The following CD5L variants were observed in gnomAD, a reference collection of about 807,000 sequenced individuals.
CD5L encodes the protein CD5 molecule like.
A neutral mutation model predicts 40.8 loss-of-function variants in CD5L; 39 were observed. The observed-to-expected ratio is 0.96, with a 90% CI of 0.74 to 1.25. The LOEUF (loss-of-function observed/expected upper bound fraction) is 1.25, where lower values mean the gene tolerates loss of function less well. CD5L is among the 50% of genes most tolerant of loss of function. The pLI is 0.00. For synonymous variants in CD5L, 192 were observed against 169.6 expected (o/e 1.13, Z -1.03); for missense variants, 433 against 435.9 (o/e 0.99, Z 0.06).
chr1:157,834,257 T>G, intron 4 of CD5L, 150 bp downstream of exon 4: 1 of 681,908 alleles, frequency 1.5e-6, no homozygotes. Context: ...TATCTCCATT[T>G]GAAAAACAAA....
rs778137121 is a variant in CD5L at position 157,834,399 on chromosome 1, G to C, written c.718+8C>G. On this transcript the variant is annotated splice_region_variant and intron_variant, in intron 4 of 5. Coordinates refer to ENST00000368174, the MANE Select transcript of CD5L (RefSeq NM_005894.3). Reference sequence around the variant, plus strand: ...AATAAACCTAGTCTTTGGACGCACAGGCATTACCTTCACATTCGACCCACG... The same window carrying C: ...AATAAACCTAGTCTTTGGACGCACACGCATTACCTTCACATTCGACCCACG... 1 of 1,605,962 alleles carries C rather than the reference G, an allele frequency of 6.2e-7. No individual in the cohort carries two copies. Among genetic ancestry groups the C allele is most frequent in the Non-Finnish European group, 8.5e-7 (1 of 1,174,066 alleles).
chr1:157,837,135 C>T (rs1015353984), intron 2 of CD5L, among the ~76,000 whole-genome samples: 1 of 151,932 alleles, frequency 6.6e-6, no homozygotes, highest in Admixed American at 6.6e-5. Context: ...AGCCAGAAAT[C>T]GCTCAAACTC....
At chr1:157,829,808 G>A (rs908257735), downstream of CD5L, among the ~76,000 whole-genome samples, 2 of 152,166 alleles carry the variant, frequency 1.3e-5, no homozygotes, top group Non-Finnish European at 2.9e-5. Flanking sequence ...GTACCATACA[G>A]CAGTTTGTCA....
chr1:157,831,526 T>A lies in CD5L; in HGVS notation c.*438A>T, dbSNP rs1006530766. 5.0e-6 allele frequency: 5 copies of A among 991,582 alleles called. No homozygotes were observed. Among genetic ancestry groups the A allele is most frequent in the Admixed American group, 1.2e-4 (2 of 16,478 alleles). The allele number at this position is 991,582 out of a possible 1,614,324, so 61.4% of individuals were successfully genotyped here. Reference sequence around the variant, plus strand: ...TTGTCTACCCACATTTTCTTTCAAATGTTCCTTTCATTGTTTCATTCCTTT... The same window carrying A: ...TTGTCTACCCACATTTTCTTTCAAAAGTTCCTTTCATTGTTTCATTCCTTT... On this transcript the variant is annotated 3_prime_UTR_variant, in exon 6 of 6. Coordinates refer to ENST00000368174, the MANE Select transcript of CD5L (RefSeq NM_005894.3).
At chr1:157,832,543 T>C (rs1656077544) in intron 5 of CD5L, among the ~76,000 whole-genome samples, 1 of 152,170 alleles carries the variant, frequency 6.6e-6, no homozygotes, top group South Asian at 2.1e-4. Context: ...CTAACCCAAA[T>C]TGGGAAAGGG....
Position 157,831,085 on chromosome 1 carries a change from A to C in CD5L, c.*879T>G, listed in dbSNP as rs1656034146. 1.0e-6 allele frequency: 1 copy of C among 985,276 alleles called. No individual in the cohort carries two copies. The highest frequency in any genetic ancestry group is 6.2e-5 in the Admixed American group (1 of 16,260). The allele number at this position is 985,276 out of a possible 1,614,324, so 61.0% of individuals were successfully genotyped here. Reference sequence around the variant, plus strand: ...ACAGGCCCCAAAGTCTCAGTTGATAAAGTGAAAATGATATTTTTCACTTTC... The same window carrying C: ...ACAGGCCCCAAAGTCTCAGTTGATACAGTGAAAATGATATTTTTCACTTTC... On this transcript the variant is annotated 3_prime_UTR_variant, in exon 6 of 6. Transcript: ENST00000368174.
At chr1:157,835,710 G>A (rs1444654840) in intron 3 of CD5L, 125 bp downstream of exon 3, 1 of 733,158 alleles carries the variant, frequency 1.4e-6, no homozygotes, top group Non-Finnish European at 2.3e-6. Flanking sequence ...GAAAGTATGA[G>A]ATGTGGGGGG....
intron 5 of CD5L, among the ~76,000 whole-genome samples, chr1:157,832,284 C>G (rs1656071421): frequency 6.6e-6 from 1 of 152,258 alleles, no homozygotes; most frequent in South Asian, 2.1e-4. Context: ...CACTTAGGTT[C>G]TGAGGAGTTA....
In CD5L at chr1:157,831,044, G is replaced by C. The variant is rs757881523; in HGVS notation, c.*920C>G. 1 of 985,116 alleles carries C rather than the reference G, an allele frequency of 1.0e-6. No individual in the cohort carries two copies. The highest frequency in any genetic ancestry group is 1.1e-4 in the East Asian group (1 of 8,828). 61.0% of individuals were successfully genotyped at this position (985,116 alleles called of 1,614,324 possible). ...ATCAAGTCTTGATTCTCTTATTTCT[G>C]TCTTGCCTCAAGCTTACAGGCCCCA... On this transcript the variant is annotated 3_prime_UTR_variant, in exon 6 of 6. Transcript: ENST00000368174.
At chr1:157,835,588 A>G (rs1207791807) in intron 3 of CD5L, among the ~76,000 whole-genome samples, 1 of 152,218 alleles carries the variant, frequency 6.6e-6, no homozygotes, top group Non-Finnish European at 1.5e-5. Context: ...GTGTGTAAAT[A>G]AGAGAAACAA....
chr1:157,833,549 G>A, intron 4 of CD5L, 37 bp from the exon 5 acceptor site: 1 of 1,446,462 alleles, frequency 6.9e-7, no homozygotes, highest in Non-Finnish European at 9.4e-7. Flanking sequence ...GTTGGAGACA[G>A]GAAGGGAAAG....
chr1:157,841,581 C>G (rs1460567042), intron 1 of CD5L, 93 bp downstream of exon 1: 2 of 1,111,354 alleles, frequency 1.8e-6, no homozygotes, highest in East Asian at 2.4e-5. Flanking sequence ...TGAAAAACAT[C>G]TAAATCTGTT....
chr1:157,833,646 C>T (rs1656111681), intron 4 of CD5L, 134 bp from the exon 5 acceptor site: 6 of 727,366 alleles, frequency 8.2e-6, no homozygotes, highest in East Asian at 2.7e-5. Context: ...CACTCTGTTG[C>T]CCAGGCTGGA....
downstream of CD5L, among the ~76,000 whole-genome samples, chr1:157,828,408 G>A (rs1655959426): frequency 6.6e-6 from 1 of 152,010 alleles, no homozygotes; most frequent in Admixed American, 6.5e-5. Context: ...CAGGTCCTAT[G>A]TCCCCTCAAG....
Position 157,836,128 on chromosome 1 carries a change from C to G in CD5L, c.83G>C (p.Gly28Ala), listed in dbSNP as rs1557941620. Residue 28 changes from glycine to alanine, a missense_variant, in exon 3 of 6, where the codon GGG becomes GCG. Physicochemically the swap from Gly to Ala is moderately conservative, Grantham distance 60. Transcript: ENST00000368174. ...LASPSGVRLVGGLHRCEGRVE... is the reference protein window; with the variant it reads ...LASPSGVRLVAGLHRCEGRVE... The stretch of plus-strand genomic sequence containing the variant: ...CCGCCCTTCACAGCGGTGGAGGCCC[C>G]CCACCAGCCGCACTCCAGATGGAGA... 2 of 1,613,244 alleles carry G rather than the reference C, an allele frequency of 1.2e-6. No homozygotes were observed. Among genetic ancestry groups the G allele is most frequent in the East Asian group, 4.5e-5 (2 of 44,870 alleles).
intron 5 of CD5L, among the ~76,000 whole-genome samples, chr1:157,832,549 A>G (rs1297892194): frequency 6.6e-6 from 1 of 152,168 alleles, no homozygotes; most frequent in Non-Finnish European, 1.5e-5. Context: ...CAAATTGGGA[A>G]AGGGCTTCTT....
At chr1:157,838,872 T>C (rs180912770) in intron 2 of CD5L, among the ~76,000 whole-genome samples, 3 of 152,308 alleles carry the variant, frequency 2.0e-5, no homozygotes, top group African/African-American at 7.2e-5. Context: ...ATTCTCTCTG[T>C]GCACCCTTTC....
rs1418497970 is a variant in CD5L at position 157,831,472 on chromosome 1, T to C, written c.*492A>G. The C allele has an allele frequency of 4.1e-6, 4 of 985,812 alleles. No homozygotes were observed. In the African/African-American group the frequency reaches 5.2e-5, roughly 13 times the overall value. The allele number at this position is 985,812 out of a possible 1,614,324, so 61.1% of individuals were successfully genotyped here. A position where few individuals can be genotyped will look rare whatever the true frequency, so the allele number is the denominator to read the frequency against. ...AAAAAAAGTAGTCCAATCAAAAGAA[T>C]TCTAAACTTTCCCCCAAGTTGCAAG... On this transcript the variant is annotated 3_prime_UTR_variant, in exon 6 of 6. Transcript: ENST00000368174.
intron 2 of CD5L, among the ~76,000 whole-genome samples, chr1:157,837,566 G>A (rs1656251573): frequency 6.6e-6 from 1 of 152,126 alleles, no homozygotes; most frequent in African/African-American, 2.4e-5. Flanking sequence ...GTTTGGACTG[G>A]AAGTCTATGG....
Sources: allele counts gnomAD v4.1 joint callset (sites outside exome capture counted in the v4.1 genomes callset), GRCh38; gene constraint gnomAD v4.1.1; transcripts MANE v1.5; gene names NCBI Gene and HGNC (gene_info 2026-07-23, HGNC 2026-07-21).